Variants in ERP44 observed in about 807,000 individuals in gnomAD.
The protein encoded by ERP44 is endoplasmic reticulum protein 44.
In ERP44, 25 loss-of-function variants were observed where a neutral mutation model predicts 53.4. That is an observed-to-expected ratio of 0.47 (90% CI 0.34 to 0.65). The LOEUF (loss-of-function observed/expected upper bound fraction) is 0.65, where lower values mean the gene tolerates loss of function less well. Ranked by LOEUF, ERP44 falls within the 30% of genes least tolerant of loss-of-function variation. The pLI is 0.01. For missense variants in ERP44, 338 were observed against 493.2 expected (o/e 0.69, Z 2.98); for synonymous variants, 145 against 161.2 (o/e 0.90, Z 0.76).
chr9:100,005,082 G>A (rs1387969547), intron 10 of ERP44, among the ~76,000 whole-genome samples: 3 of 152,162 alleles, frequency 2.0e-5, no homozygotes, highest in South Asian at 4.1e-4. Flanking sequence ...ACTTTCATGT[G>A]TTAGTTCTCT....
At chr9:100,034,888 AG>A (rs1825832405) in intron 4 of ERP44, among the ~76,000 whole-genome samples, 1 of 152,156 alleles carries the variant, frequency 6.6e-6, no homozygotes, top group Non-Finnish European at 1.5e-5. Flanking sequence ...CATAGAATAA[AG>A]GAACAGAATA....
At chr9:100,085,531 C>T (rs1425062379) in intron 1 of ERP44, among the ~76,000 whole-genome samples, 1 of 152,200 alleles carries the variant, frequency 6.6e-6, no homozygotes, top group African/African-American at 2.4e-5. Flanking sequence ...TTCCAGACCA[C>T]AGAACTATGA....
intron 1 of ERP44, among the ~76,000 whole-genome samples, chr9:100,068,323 G>C (rs1826251353): frequency 1.5e-5 from 2 of 136,486 alleles, no homozygotes; most frequent in South Asian, 2.3e-4. Context: ...CCCCGTCCGG[G>C]AGGGAGGTGG....
chr9:100,047,602 TTAAACTCTC>T (rs1225422812), intron 4 of ERP44, among the ~76,000 whole-genome samples: 1 of 152,160 alleles, frequency 6.6e-6, no homozygotes, highest in Non-Finnish European at 1.5e-5. Context: ...CCTAACACTC[TTAAACTCTC>T]TAAACACTCT....
chr9:100,030,525 G>A (rs1825771905), intron 4 of ERP44, among the ~76,000 whole-genome samples: 1 of 152,212 alleles, frequency 6.6e-6, no homozygotes, highest in Non-Finnish European at 1.5e-5. Flanking sequence ...TCAAGGCCCA[G>A]CTTAGGATGG....
chr9:100,061,656 G>C (rs1187155948), intron 1 of ERP44, among the ~76,000 whole-genome samples: 1 of 148,690 alleles, frequency 6.7e-6, no homozygotes, highest in Non-Finnish European at 1.5e-5. Flanking sequence ...CTTAGGAAAG[G>C]CCTAAGGATA....
At chr9:100,012,471 T>C (rs1291516613) in intron 8 of ERP44, among the ~76,000 whole-genome samples, 1 of 152,132 alleles carries the variant, frequency 6.6e-6, no homozygotes, top group Non-Finnish European at 1.5e-5. Context: ...CCTCTTTCTA[T>C]GAAACACTCA....
rs766185533 is a variant in ERP44 at position 100,052,397 on chromosome 9, C to T, written c.286+20G>A. 1.3e-5 allele frequency: 19 copies of T among 1,414,384 alleles called. No individual in the cohort carries two copies. In the South Asian group the frequency reaches 2.3e-4, roughly 17 times the overall value. The allele number at this position is 1,414,384 out of a possible 1,614,324, so 87.6% of individuals were successfully genotyped here. On this transcript the variant is annotated intron_variant, in intron 4 of 11. Coordinates refer to ENST00000262455, the MANE Select transcript of ERP44 (RefSeq NM_015051.3). ...TTGGGATGGGACAGTCTCTTCTAGACTTCCTATTGAGGTACTTACAGTGCT... is the reference window on the plus strand; with the variant it reads ...TTGGGATGGGACAGTCTCTTCTAGATTTCCTATTGAGGTACTTACAGTGCT...
intron 4 of ERP44, among the ~76,000 whole-genome samples, chr9:100,034,308 C>T (rs1441635144): frequency 6.6e-6 from 1 of 152,118 alleles, no homozygotes; most frequent in African/African-American, 2.4e-5. Context: ...AAACAAAACA[C>T]TCCCAGCAGC....
At chr9:100,082,731 C>G (rs1826440351) in intron 1 of ERP44, among the ~76,000 whole-genome samples, 1 of 144,256 alleles carries the variant, frequency 6.9e-6, no homozygotes, top group Non-Finnish European at 1.5e-5. Flanking sequence ...GTGAAACTTG[C>G]CAGATATGGA....
At position 100,035,177 on chromosome 9, in the gene ERP44, G is replaced by A. The variant is rs151020007; in HGVS notation, c.287-12951C>T. On this transcript the variant is annotated intron_variant, in intron 4 of 11. Coordinates refer to ENST00000262455, the MANE Select transcript of ERP44 (RefSeq NM_015051.3). ...TCATTGGCCTTGGCAAAAAATTTAT[G>A]GCTAAGACACCAAAAGCAACTGCAA... Among the ~76,000 whole-genome samples the A allele has an allele frequency of 3.8e-3, 572 of 152,222 alleles. 5 individuals are homozygous for A. The highest frequency in any genetic ancestry group is 0.013 in the African/African-American group (535 of 41,544).
Position 100,000,531 on chromosome 9 carries a change from C to G in ERP44, c.1016+5975G>C, listed in dbSNP as rs189618743. On this transcript the variant is annotated intron_variant, in intron 10 of 11. Coordinates refer to ENST00000262455, the MANE Select transcript of ERP44 (RefSeq NM_015051.3). ...TCCTGGGCTTTTCTTTGATGGTAGA[C>G]TTTTCATTACTGATTCAATCTCTTA... Among the ~76,000 whole-genome samples the G allele has an allele frequency of 2.3e-4, 35 of 150,932 alleles. No homozygotes were observed. In the East Asian group the frequency reaches 6.4e-3, roughly 28 times the overall value.
rs575345732 is a variant in ERP44 at position 100,050,636 on chromosome 9, T to C, written c.286+1781A>G. Among the ~76,000 whole-genome samples the C allele has an allele frequency of 1.1e-4, 16 of 152,322 alleles. 1 individual carries two copies. The South Asian group carries it at 3.1e-3, about 30-fold the overall frequency. ...ATCAATAAGGGTTTCATAACAATCA[T>C]TTCTTTAAAAGAATTACATAGAAGA... is the stretch of plus-strand genomic sequence containing the variant. On this transcript the variant is annotated intron_variant, in intron 4 of 11. Transcript: ENST00000262455.
At chr9:100,079,447 CACACACACAG>C (rs1312689078) in intron 1 of ERP44, among the ~76,000 whole-genome samples, 1 of 141,188 alleles carries the variant, frequency 7.1e-6, no homozygotes, top group Non-Finnish European at 1.5e-5. Flanking sequence ...CACACACACA[CACACACACAG>C]ACACCCTATT....
rs1830132737 is a variant in ERP44 at position 99,980,103 on chromosome 9, T to C, written c.*2509A>G. On this transcript the variant is annotated 3_prime_UTR_variant, in exon 12 of 12. Transcript: ENST00000262455. ...CCTACCTCCTGAGAACACCTATTCATCTTTTTAAAGCTCAAAATAAAAATA... is the reference window on the plus strand; with the variant it reads ...CCTACCTCCTGAGAACACCTATTCACCTTTTTAAAGCTCAAAATAAAAATA... 2.5e-6 allele frequency: 1 copy of C among 398,382 alleles called. No homozygotes were observed. Among genetic ancestry groups the C allele is most frequent in the African/African-American group, 2.1e-5 (1 of 48,626 alleles). The allele number at this position is 398,382 out of a possible 1,614,324, so 24.7% of individuals were successfully genotyped here. A position where few individuals can be genotyped will look rare whatever the true frequency, so the allele number is the denominator to read the frequency against.
intron 1 of ERP44, among the ~76,000 whole-genome samples, chr9:100,086,491 T>C (rs1026755396): frequency 6.6e-6 from 1 of 152,230 alleles, no homozygotes; most frequent in Non-Finnish European, 1.5e-5. Context: ...TTTCTCCATT[T>C]CACAACGACT....
chr9:100,010,242 G>C (rs1163177306), intron 8 of ERP44, among the ~76,000 whole-genome samples: 3 of 152,202 alleles, frequency 2.0e-5, no homozygotes, highest in Admixed American at 6.5e-5. Flanking sequence ...AATGTTAAAA[G>C]ATTAAGGAGA....
chr9:99,985,085 A>C lies in ERP44; in HGVS notation c.1017-16T>G, dbSNP rs773760657. ...TCCAGGAATTCTAAAACCAGAGTCA[A>C]ATAAAATGTAAACTGTTAAAATGGA... is the stretch of plus-strand genomic sequence containing the variant. On this transcript the variant is annotated splice_polypyrimidine_tract_variant and intron_variant, in intron 10 of 11. Transcript: ENST00000262455. 1.4e-5 allele frequency: 22 copies of C among 1,518,092 alleles called. No individual in the cohort carries two copies. In the Admixed American group the frequency reaches 3.7e-4, roughly 25 times the overall value. The allele number at this position is 1,518,092 out of a possible 1,614,324, so 94.0% of individuals were successfully genotyped here.
At chr9:100,028,653 T>G (rs921266181) in intron 4 of ERP44, among the ~76,000 whole-genome samples, 2 of 152,218 alleles carry the variant, frequency 1.3e-5, no homozygotes, top group African/African-American at 4.8e-5. Context: ...CTAGCAGAGA[T>G]ATATTTCAAT....
Sources: gnomAD v4.1 joint callset for allele counts (sites outside exome capture counted in the v4.1 genomes callset) on GRCh38, gnomAD v4.1.1 for gene constraint, MANE v1.5 for transcripts, NCBI Gene and HGNC (gene_info 2026-07-23, HGNC 2026-07-21) for gene names.